The following COL24A1 variants were observed in gnomAD, a reference collection of about 807,000 sequenced individuals.
COL24A1 encodes collagen alpha-1(XXIV) chain.
A neutral mutation model predicts 253.9 loss-of-function variants in COL24A1; 224 were observed. That is an observed-to-expected ratio of 0.88 (90% CI 0.79 to 0.99). The LOEUF (loss-of-function observed/expected upper bound fraction) is 0.99, where lower values mean the gene tolerates loss of function less well. Among genes scored for constraint, COL24A1 ranks in the 50% least tolerant of loss-of-function variants. The pLI, the probability that COL24A1 is intolerant of heterozygous loss-of-function variation, is 0.00. For missense variants in COL24A1, 2,131 were observed against 2,068.5 expected (o/e 1.03, Z -0.59); for synonymous variants, 685 against 673.7 (o/e 1.02, Z -0.26).
chr1:85,917,916 C>A (rs756773448), intron 24 of COL24A1, among the ~76,000 whole-genome samples: 1 of 152,124 alleles, frequency 6.6e-6, no homozygotes, highest in Non-Finnish European at 1.5e-5. Context: ...CCATGTTGGC[C>A]AAGCTGGTCT....
rs1427874298 is a variant in COL24A1 at position 85,730,012 on chromosome 1, G to A, written c.*534C>T. 6.5e-6 allele frequency: 1 copy of A among 152,722 alleles called. No individual in the cohort carries two copies. Among genetic ancestry groups the A allele is most frequent in the East Asian group, 1.9e-4 (1 of 5,200 alleles). 9.5% of individuals were successfully genotyped at this position (152,722 alleles called of 1,614,324 possible). On this transcript the variant is annotated 3_prime_UTR_variant, in exon 60 of 60. Coordinates refer to ENST00000370571, the MANE Select transcript of COL24A1 (RefSeq NM_152890.7). The stretch of plus-strand genomic sequence containing the variant: ...AGTCTATGAAAGCCATAAGCACCTT[G>A]TTTTCGAAAGAGCACCAAGCAACAC...
intron 55 of COL24A1, among the ~76,000 whole-genome samples, chr1:85,746,273 TTCAACAGA>T (rs1665206041): frequency 6.6e-6 from 1 of 152,180 alleles, no homozygotes; most frequent in Admixed American, 6.5e-5. Context: ...AGAAACTGTA[TTCAACAGA>T]TATCTCATAG....
At chr1:85,756,894 T>A (rs1437341064) in intron 55 of COL24A1, among the ~76,000 whole-genome samples, 1 of 152,148 alleles carries the variant, frequency 6.6e-6, no homozygotes, top group Non-Finnish European at 1.5e-5. Flanking sequence ...AAAATTCGAA[T>A]ATACGCTTAC....
At chr1:85,961,748 G>C (rs1473860398) in intron 23 of COL24A1, among the ~76,000 whole-genome samples, 1 of 152,166 alleles carries the variant, frequency 6.6e-6, no homozygotes, top group East Asian at 1.9e-4. Context: ...AAGGTAAAGG[G>C]GAAGCAAGCA....
At chr1:85,957,409 G>T (rs528847925) in intron 24 of COL24A1, among the ~76,000 whole-genome samples, 138 of 152,244 alleles carry the variant, frequency 9.1e-4, no homozygotes, top group African/African-American at 2.8e-3. Context: ...AGTCAAATTT[G>T]CAGGTGAGAG....
chr1:86,041,234 C>T (rs1699454913), intron 12 of COL24A1, among the ~76,000 whole-genome samples: 2 of 152,040 alleles, frequency 1.3e-5, no homozygotes, highest in Non-Finnish European at 2.9e-5. Flanking sequence ...TACAGTTTTG[C>T]TCTTTGTCAA....
intron 5 of COL24A1, among the ~76,000 whole-genome samples, chr1:86,101,230 C>T (rs1704426004): frequency 6.6e-6 from 1 of 152,084 alleles, no homozygotes; most frequent in Non-Finnish European, 1.5e-5. Context: ...CCAGCATCAT[C>T]AAAAGATGAT....
intron 8 of COL24A1, among the ~76,000 whole-genome samples, chr1:86,059,736 C>T (rs561375467): frequency 7.2e-5 from 11 of 152,170 alleles, no homozygotes; most frequent in Non-Finnish European, 1.2e-4. Context: ...TGTTTGTGTG[C>T]CTCAAAATTC....
intron 19 of COL24A1, among the ~76,000 whole-genome samples, chr1:85,989,446 C>T (rs970601383): frequency 2.3e-4 from 35 of 152,116 alleles, no homozygotes; most frequent in African/African-American, 8.2e-4. Flanking sequence ...TCAGTCTGAA[C>T]CACTTTTCTA....
At chr1:86,022,899 T>G (rs776969013) in intron 15 of COL24A1, 22 bp from the exon 16 acceptor site, 40 of 1,609,664 alleles carry the variant, frequency 2.5e-5, no homozygotes, top group Non-Finnish European at 3.3e-5. Context: ...GGTGACATTT[T>G]GTGATATCAT....
rs61128567 is a variant in COL24A1 at position 85,969,604 on chromosome 1, CAAAAAAAAAAAA to C, written c.2463+611_2463+622del. ...TGGATGACAGAGTGAGACTCTGTCT[CAAAAAAAAAAAA>C]AAAAAAAAAAAAAAAAAAAGGAAGA... On this transcript the variant is annotated intron_variant, in intron 22 of 59. Transcript: ENST00000370571. Among the ~76,000 whole-genome samples the C allele has an allele frequency of 6.3e-3, 172 of 27,480 alleles. 5 individuals carry two copies. The South Asian group carries it at 0.24, about 39-fold the overall frequency. The allele number at this position is 27,480 out of a possible 152,430, so 18.0% of individuals were successfully genotyped here.
At chr1:86,087,358 G>C (rs1040651003) in intron 7 of COL24A1, among the ~76,000 whole-genome samples, 2 of 152,064 alleles carry the variant, frequency 1.3e-5, no homozygotes, top group Non-Finnish European at 1.5e-5. Context: ...CATGTACACG[G>C]GTCTCTGAAA....
chr1:86,091,545 G>A (rs1703490115), intron 6 of COL24A1, among the ~76,000 whole-genome samples: 1 of 152,070 alleles, frequency 6.6e-6, no homozygotes, highest in South Asian at 2.1e-4. Context: ...TAAAGTGCCT[G>A]TCTAAACAAA....
chr1:85,813,071 G>A (rs313747), intron 47 of COL24A1, among the ~76,000 whole-genome samples: 127,391 of 151,960 alleles, frequency 0.84, 53,731 homozygotes, highest in South Asian at 0.89. Flanking sequence ...CGAATTATAT[G>A]TCAGAAGAGA....
intron 1 of COL24A1, among the ~76,000 whole-genome samples, chr1:86,150,817 A>T (rs1425250652): frequency 6.6e-6 from 1 of 152,182 alleles, no homozygotes; most frequent in Non-Finnish European, 1.5e-5. Flanking sequence ...TCAAGTTTCC[A>T]CATTAGCAGT....
intron 53 of COL24A1, 60 bp downstream of exon 53, chr1:85,775,614 T>C: frequency 7.2e-7 from 1 of 1,387,764 alleles, no homozygotes; most frequent in Non-Finnish European, 1.0e-6. Flanking sequence ...GGTCCTTGCT[T>C]TCATGGAGCT....
chr1:86,124,027 A>G (rs1241985074), intron 3 of COL24A1, among the ~76,000 whole-genome samples: 1 of 152,054 alleles, frequency 6.6e-6, no homozygotes, highest in Admixed American at 6.6e-5. Flanking sequence ...AAATTTAAGT[A>G]TACAAATATG....
intron 39 of COL24A1, among the ~76,000 whole-genome samples, chr1:85,845,341 G>A (rs1401154456): frequency 2.6e-5 from 4 of 151,760 alleles, no homozygotes; most frequent in African/African-American, 7.2e-5. Context: ...CTAAAAAAAT[G>A]TTGTAAAAGG....
intron 24 of COL24A1, among the ~76,000 whole-genome samples, chr1:85,912,774 G>T (rs538953736): frequency 2.0e-5 from 3 of 152,158 alleles, no homozygotes; most frequent in Non-Finnish European, 2.9e-5. Flanking sequence ...TGGCTATTGA[G>T]CACTTGAAAT....
Sources: allele counts gnomAD v4.1 joint callset (sites outside exome capture counted in the v4.1 genomes callset), GRCh38; gene constraint gnomAD v4.1.1; transcripts MANE v1.5; gene names NCBI Gene and HGNC (gene_info 2026-07-23, HGNC 2026-07-21).